The following NR2C1 variants were observed in gnomAD, a reference collection of about 807,000 sequenced individuals.
The protein encoded by NR2C1 is nuclear receptor subfamily 2 group C member 1.
Under a neutral mutation model 74.8 loss-of-function variants are expected in NR2C1, and 33 were observed. The observed-to-expected ratio is 0.44, with a 90% CI of 0.33 to 0.59. The LOEUF (loss-of-function observed/expected upper bound fraction) is 0.59. Ranked by LOEUF, NR2C1 falls within the 20% of genes least tolerant of loss-of-function variation. NR2C1 has a pLI of 0.02. For missense variants in NR2C1, 568 were observed against 715.6 expected (o/e 0.79, Z 2.35); for synonymous variants, 225 against 240.6 (o/e 0.94, Z 0.60).
At chr12:95,037,966 T>C (rs1250050785) in intron 10 of NR2C1, among the ~76,000 whole-genome samples, 7 of 149,854 alleles carry the variant, frequency 4.7e-5, no homozygotes, top group Admixed American at 4.7e-4. Flanking sequence ...TTCCATATAA[T>C]AGAATTTTTC....
At chr12:95,025,659 A>T (rs967852313) in intron 12 of NR2C1, among the ~76,000 whole-genome samples, 18 of 56,556 alleles carry the variant, frequency 3.2e-4, no homozygotes, top group Middle Eastern at 0.013. Context: ...ACTCTGTCTT[A>T]AAAAAAAAAA....
intron 9 of NR2C1, 122 bp from the exon 10 acceptor site, chr12:95,040,719 A>C: frequency 1.1e-6 from 1 of 883,384 alleles, no homozygotes; most frequent in Non-Finnish European, 1.6e-6. Context: ...AAAAAAAGCT[A>C]ATCTTGAAAT....
At chr12:95,024,620 CAG>C (rs1198627587) in intron 13 of NR2C1, among the ~76,000 whole-genome samples, 4 of 152,024 alleles carry the variant, frequency 2.6e-5, no homozygotes, top group African/African-American at 4.8e-5. Context: ...ATTTTTTAGA[CAG>C]GGTCTCACTC....
At chr12:95,024,591 TTTG>T (rs1424750534) in intron 13 of NR2C1, among the ~76,000 whole-genome samples, 4 of 152,078 alleles carry the variant, frequency 2.6e-5, no homozygotes, top group Non-Finnish European at 5.9e-5. Flanking sequence ...TCTAATGGTA[TTTG>T]TTTTTATTTT....
At position 95,020,384 on chromosome 12, in the gene NR2C1, AT is replaced by A. The variant is rs1746652968; in HGVS notation, c.*1844del. The A allele has an allele frequency of 6.6e-6, 1 of 152,194 alleles. No individual in the cohort carries two copies. Among genetic ancestry groups the A allele is most frequent in the Non-Finnish European group, 1.5e-5 (1 of 68,032 alleles). 9.4% of individuals were successfully genotyped at this position (152,194 alleles called of 1,614,324 possible). On this transcript the variant is annotated 3_prime_UTR_variant, in exon 14 of 14. Coordinates refer to ENST00000333003, the MANE Select transcript of NR2C1 (RefSeq NM_003297.4). ...GAAACATCTTAACTATTAGTACATT[AT>A]TTTAAAGGATTATTTCCCTGATTCC...
chr12:95,049,858 T>C (rs917089836), intron 8 of NR2C1, among the ~76,000 whole-genome samples: 33 of 152,226 alleles, frequency 2.2e-4, no homozygotes, highest in Non-Finnish European at 2.9e-5. Context: ...TGCAGTGGCA[T>C]GATCATGGCT....
At chr12:95,041,158 T>C (rs1266009454) in intron 9 of NR2C1, among the ~76,000 whole-genome samples, 1 of 152,096 alleles carries the variant, frequency 6.6e-6, no homozygotes, top group Non-Finnish European at 1.5e-5. Context: ...TTTCAGTTTT[T>C]CAAAGAGCAC....
chr12:95,043,873 C>T (rs1871942666), intron 9 of NR2C1, among the ~76,000 whole-genome samples: 1 of 152,006 alleles, frequency 6.6e-6, no homozygotes. Context: ...TAAAGGGACT[C>T]GTTATTTAAA....
intron 2 of NR2C1, among the ~76,000 whole-genome samples, chr12:95,063,134 C>T (rs1013270304): frequency 3.3e-5 from 5 of 152,074 alleles, no homozygotes; most frequent in East Asian, 1.9e-4. Flanking sequence ...TATTGTCATG[C>T]GGTACTAAAT....
intron 7 of NR2C1, among the ~76,000 whole-genome samples, chr12:95,055,734 A>G (rs1873736248): frequency 6.6e-6 from 1 of 151,784 alleles, no homozygotes; most frequent in Non-Finnish European, 1.5e-5. Flanking sequence ...CAGGCGGATC[A>G]TGAGGTCAGG....
intron 12 of NR2C1, 70 bp from the exon 13 acceptor site, chr12:95,025,325 G>A: frequency 1.3e-6 from 1 of 780,026 alleles, no homozygotes; most frequent in African/African-American, 1.8e-5. Context: ...GATATGAAAA[G>A]AGACAGAAAG....
chr12:95,031,242 TAA>T, intron 11 of NR2C1, 105 bp downstream of exon 11: 1 of 942,128 alleles, frequency 1.1e-6, no homozygotes, highest in Non-Finnish European at 1.5e-6. Flanking sequence ...CATTGGTACC[TAA>T]AACACTAATA....
intron 11 of NR2C1, chr12:95,030,746 A>G (rs1048347322): frequency 6.2e-7 from 1 of 1,608,176 alleles, no homozygotes; most frequent in Non-Finnish European, 8.5e-7. Context: ...TGAGCTCAAA[A>G]GGCAATTTTC....
intron 2 of NR2C1, among the ~76,000 whole-genome samples, chr12:95,066,434 A>T (rs766546115): frequency 1.3e-5 from 2 of 152,204 alleles, no homozygotes; most frequent in African/African-American, 2.4e-5. Context: ...ATACATATAC[A>T]TACATACATA....
chr12:95,043,689 C>CCAAAA (rs575940640), intron 9 of NR2C1, among the ~76,000 whole-genome samples: 1 of 94,288 alleles, frequency 1.1e-5, no homozygotes, highest in African/African-American at 4.0e-5. Flanking sequence ...GACTCTGTCT[C>CCAAAA]AAAAAAAAAA....
chr12:95,032,540 G>A (rs926679249), intron 10 of NR2C1, among the ~76,000 whole-genome samples: 5 of 151,652 alleles, frequency 3.3e-5, no homozygotes, highest in African/African-American at 1.2e-4. Flanking sequence ...TGTGCCTGCC[G>A]TCCCAGCTAC....
At chr12:95,066,051 T>G (rs1158702079) in intron 2 of NR2C1, among the ~76,000 whole-genome samples, 2 of 152,350 alleles carry the variant, frequency 1.3e-5, no homozygotes, top group Middle Eastern at 3.4e-3. Flanking sequence ...TATAACCTAT[T>G]TCTTAATGAC....
intron 10 of NR2C1, among the ~76,000 whole-genome samples, chr12:95,032,951 G>C (rs1298420257): frequency 1.3e-5 from 2 of 152,080 alleles, no homozygotes; most frequent in African/African-American, 2.4e-5. Context: ...TTGGGTGACA[G>C]AGTGAGACCC....
chr12:95,023,312 AGGCAGAG>A (rs1051615394), intron 13 of NR2C1, among the ~76,000 whole-genome samples: 4 of 152,082 alleles, frequency 2.6e-5, no homozygotes, highest in African/African-American at 9.7e-5. Flanking sequence ...TGAACCTAGG[AGGCAGAG>A]GTTGCAGTGA....
Sources: gnomAD v4.1 joint callset for allele counts (sites outside exome capture counted in the v4.1 genomes callset) on GRCh38, gnomAD v4.1.1 for gene constraint, MANE v1.5 for transcripts, NCBI Gene and HGNC (gene_info 2026-07-23, HGNC 2026-07-21) for gene names.